DGKI: variants seen among roughly 807,000 people sequenced by gnomAD.
DGKI encodes the protein diacylglycerol kinase iota.
A neutral mutation model predicts 147.5 loss-of-function variants in DGKI; 55 were observed. That is an observed-to-expected ratio of 0.37 (90% confidence interval 0.30 to 0.47). DGKI has a LOEUF of 0.47. Ranked by LOEUF, DGKI falls within the 20% of genes least tolerant of loss-of-function variation. The probability of loss-of-function intolerance (pLI) is 1.00; values close to 1 mark genes in which losing one functional copy is unlikely to be tolerated. For synonymous variants in DGKI, 469 were observed against 477.1 expected (o/e 0.98, Z 0.22); for missense variants, 1,007 against 1,323.8 (o/e 0.76, Z 3.71).
At chr7:137,465,741 C>T (rs900140062) in intron 26 of DGKI, among the ~76,000 whole-genome samples, 167 bp downstream of exon 26, 3 of 152,022 alleles carry the variant, frequency 2.0e-5, no homozygotes, top group Admixed American at 1.3e-4. Flanking sequence ...TGTTTCTTCA[C>T]GGCCATTCAT....
At chr7:137,689,868 G>A in intron 2 of DGKI, 26 bp downstream of exon 2, 1 of 1,446,360 alleles carries the variant, frequency 6.9e-7, no homozygotes, top group Non-Finnish European at 9.3e-7. Context: ...CTGAAGTGAT[G>A]TTTAAATGAA....
chr7:137,618,305 C>A (rs1263330758), intron 8 of DGKI, among the ~76,000 whole-genome samples: 4 of 149,310 alleles, frequency 2.7e-5, no homozygotes, highest in Non-Finnish European at 5.9e-5. Flanking sequence ...TGCATAAACC[C>A]TGCACTTTGG....
At chr7:137,814,614 C>T (rs112717664) in intron 1 of DGKI, among the ~76,000 whole-genome samples, 3,769 of 152,222 alleles carry the variant, frequency 0.025, 65 homozygotes, top group Middle Eastern at 0.041. Flanking sequence ...ACCTCTTGAA[C>T]ACTGCCCCTT....
chr7:137,621,875 C>A (rs1253801188), intron 7 of DGKI, among the ~76,000 whole-genome samples: 1 of 152,216 alleles, frequency 6.6e-6, no homozygotes, highest in Non-Finnish European at 1.5e-5. Context: ...GAGCACACCG[C>A]TGCCCAGAAG....
chr7:137,844,399 T>A (rs1281241551), intron 1 of DGKI, among the ~76,000 whole-genome samples: 2 of 152,070 alleles, frequency 1.3e-5, no homozygotes, highest in African/African-American at 4.8e-5. Flanking sequence ...AGGGTGGCAA[T>A]CCCCATATAT....
intron 28 of DGKI, among the ~76,000 whole-genome samples, chr7:137,441,420 CAAA>C (rs538892825): frequency 0.013 from 903 of 67,516 alleles, 5 homozygotes; most frequent in African/African-American, 0.044. Context: ...GACTCCGTCT[CAAA>C]AAAAAAAAAA....
At chr7:137,603,076 A>T (rs966830555) in intron 10 of DGKI, among the ~76,000 whole-genome samples, 1 of 152,178 alleles carries the variant, frequency 6.6e-6, no homozygotes, top group African/African-American at 2.4e-5. Context: ...AAATTCCCAA[A>T]AAGTGACTGG....
At chr7:137,551,041 G>A (rs1054461744) in intron 20 of DGKI, among the ~76,000 whole-genome samples, 5 of 152,124 alleles carry the variant, frequency 3.3e-5, no homozygotes, top group East Asian at 1.9e-4. Flanking sequence ...CAGCAGGCAC[G>A]GAGGACAGGA....
At chr7:137,434,913 T>C (rs1478512265) in intron 28 of DGKI, among the ~76,000 whole-genome samples, 1 of 152,172 alleles carries the variant, frequency 6.6e-6, no homozygotes, top group Non-Finnish European at 1.5e-5. Context: ...AGAAAAAATA[T>C]GCTATCATTT....
chr7:137,583,380 G>A (rs1228313348), intron 14 of DGKI, among the ~76,000 whole-genome samples: 1 of 152,126 alleles, frequency 6.6e-6, no homozygotes, highest in Non-Finnish European at 1.5e-5. Flanking sequence ...GCATGGGTTG[G>A]TGATCCTGCC....
intron 1 of DGKI, among the ~76,000 whole-genome samples, chr7:137,817,082 T>C (rs1797759658): frequency 6.6e-6 from 1 of 152,338 alleles, no homozygotes; most frequent in South Asian, 2.1e-4. Context: ...CAACTGATCA[T>C]GTTATATTTC....
chr7:137,661,713 C>T (rs1470475466), intron 3 of DGKI, among the ~76,000 whole-genome samples: 3 of 152,188 alleles, frequency 2.0e-5, no homozygotes, highest in Non-Finnish European at 4.4e-5. Context: ...TCCCCCTTCT[C>T]CTTCCCTTTT....
intron 1 of DGKI, among the ~76,000 whole-genome samples, chr7:137,697,466 G>A (rs1823829739): frequency 1.3e-5 from 2 of 152,184 alleles, no homozygotes; most frequent in Non-Finnish European, 2.9e-5. Context: ...ATAAGAAATT[G>A]AGATTGATAA....
In DGKI at chr7:137,383,913, C is replaced by T. The variant is rs1168375897; in HGVS notation, c.*7307G>A. 6.6e-6 allele frequency: 1 copy of T among 151,966 alleles called. No individual in the cohort carries two copies. Among genetic ancestry groups the T allele is most frequent in the Non-Finnish European group, 1.5e-5 (1 of 67,928 alleles). 9.4% of individuals were successfully genotyped at this position (151,966 alleles called of 1,614,324 possible). A position where few individuals can be genotyped will look rare whatever the true frequency, so the allele number is the denominator to read the frequency against. On this transcript the variant is annotated 3_prime_UTR_variant, in exon 33 of 33. Transcript: ENST00000614521. ...TTCACCAATCTGCCCATAAATGTCC[C>T]TTGTAAAGTATGAGATTCTGAACTG...
At position 137,472,369 on chromosome 7, in the gene DGKI, AT is replaced by A. The variant is rs1174406205; in HGVS notation, c.2374-2751del. Among the ~76,000 whole-genome samples the A allele has an allele frequency of 2.2e-3, 62 of 27,844 alleles. 11 individuals are homozygous for A. Among genetic ancestry groups the A allele is most frequent in the African/African-American group, 8.8e-3 (58 of 6,598 alleles). The allele number at this position is 27,844 out of a possible 152,430, so 18.3% of individuals were successfully genotyped here. The stretch of plus-strand genomic sequence containing the variant: ...ATTATTATATGTATATATACATATA[AT>A]TATTATATGTATATATACATATTAT... On this transcript the variant is annotated intron_variant, in intron 23 of 32. Coordinates refer to ENST00000614521, the MANE Select transcript of DGKI (RefSeq NM_001321708.2).
intron 1 of DGKI, among the ~76,000 whole-genome samples, chr7:137,835,873 G>A (rs1270801457): frequency 6.6e-6 from 1 of 152,168 alleles, no homozygotes; most frequent in Non-Finnish European, 1.5e-5. Context: ...CTTCAGATCC[G>A]AAAACCAGCC....
chr7:137,628,046 A>C (rs138342695), intron 6 of DGKI, among the ~76,000 whole-genome samples: 1 of 152,182 alleles, frequency 6.6e-6, no homozygotes, highest in African/African-American at 2.4e-5. Context: ...GAGTGCTTTT[A>C]TTGCCAAGAT....
At chr7:137,600,341 C>T (rs980469659) in intron 10 of DGKI, among the ~76,000 whole-genome samples, 11 of 152,024 alleles carry the variant, frequency 7.2e-5, no homozygotes, top group Non-Finnish European at 1.5e-4. Context: ...AAATCACGGG[C>T]TTTGGTCATG....
intron 1 of DGKI, among the ~76,000 whole-genome samples, chr7:137,804,908 T>C (rs1797319813): frequency 6.6e-6 from 1 of 152,348 alleles, no homozygotes; most frequent in East Asian, 1.9e-4. Context: ...TATGTTCAAC[T>C]CAAATGACTC....
Sources: gnomAD v4.1 joint callset for allele counts (sites outside exome capture counted in the v4.1 genomes callset) on GRCh38, gnomAD v4.1.1 for gene constraint, MANE v1.5 for transcripts, NCBI Gene and HGNC (gene_info 2026-07-23, HGNC 2026-07-21) for gene names.